NXPH1: variants seen among roughly 807,000 people sequenced by gnomAD.
NXPH1 encodes neurexophilin 1, also known as neurexophilin-1.
In NXPH1, 5 loss-of-function variants were observed where a neutral mutation model predicts 23.7. The ratio of observed to expected loss-of-function variants is 0.21; its 90% confidence interval spans 0.11 to 0.44. The LOEUF is 0.44. Ranked by LOEUF, NXPH1 falls within the 20% of genes least tolerant of loss-of-function variation. The pLI, the probability that NXPH1 is intolerant of heterozygous loss-of-function variation, is 0.99. For missense variants in NXPH1, 324 were observed against 321.6 expected, an observed-to-expected ratio of 1.01 and a Z score of -0.06; for synonymous variants, 144 against 122.2, an observed-to-expected ratio of 1.18 and a Z score of -1.18.
intron 2 of NXPH1, among the ~76,000 whole-genome samples, chr7:8,523,065 C>T (rs1234258247): frequency 6.6e-6 from 1 of 152,198 alleles, no homozygotes; most frequent in African/African-American, 2.4e-5. Context: ...TGTGAGAATG[C>T]TAAGAGAGGA....
intron 2 of NXPH1, among the ~76,000 whole-genome samples, chr7:8,494,729 C>T (rs111832894): frequency 3.3e-5 from 5 of 152,176 alleles, no homozygotes; most frequent in African/African-American, 1.2e-4. Context: ...ACTTAAGTCA[C>T]TGCATTAATT....
chr7:8,491,395 A>T (rs1451439228), intron 2 of NXPH1, among the ~76,000 whole-genome samples: 4 of 152,046 alleles, frequency 2.6e-5, no homozygotes, highest in African/African-American at 7.2e-5. Context: ...ATCCCTTCAG[A>T]ATTGCTTGCT....
chr7:8,653,089 C>G (rs1417904390), intron 2 of NXPH1, among the ~76,000 whole-genome samples: 3 of 151,700 alleles, frequency 2.0e-5, no homozygotes, highest in Non-Finnish European at 4.4e-5. Context: ...AACTTTTTCA[C>G]TTTCTGGAGC....
intron 2 of NXPH1, among the ~76,000 whole-genome samples, chr7:8,681,267 A>G (rs1338035507): frequency 6.6e-6 from 1 of 152,234 alleles, no homozygotes; most frequent in Non-Finnish European, 1.5e-5. Flanking sequence ...ATAAGCGTTT[A>G]TCTTCCGACC....
intron 2 of NXPH1, among the ~76,000 whole-genome samples, chr7:8,464,214 C>A (rs191911469): frequency 2.0e-5 from 3 of 152,124 alleles, no homozygotes; most frequent in Non-Finnish European, 4.4e-5. Context: ...TCTTAGCCAT[C>A]CCTAGACATC....
intron 2 of NXPH1, among the ~76,000 whole-genome samples, chr7:8,735,876 G>T (rs1780245398): frequency 6.6e-6 from 1 of 152,110 alleles, no homozygotes; most frequent in South Asian, 2.1e-4. Context: ...GGGTGTATGT[G>T]TCCAGGAATT....
intron 2 of NXPH1, among the ~76,000 whole-genome samples, chr7:8,706,132 A>G (rs1247315590): frequency 6.6e-6 from 1 of 152,194 alleles, no homozygotes; most frequent in Non-Finnish European, 1.5e-5. Flanking sequence ...GAGAAAAGCT[A>G]TGTCAACTTC....
chr7:8,671,219 A>C (rs1232518625), intron 2 of NXPH1, among the ~76,000 whole-genome samples: 1 of 152,258 alleles, frequency 6.6e-6, no homozygotes, highest in Non-Finnish European at 1.5e-5. Context: ...TGAAAGAGAA[A>C]AAAATGGTAA....
At chr7:8,748,791 G>T (rs182570788) in intron 2 of NXPH1, among the ~76,000 whole-genome samples, 1 of 152,204 alleles carries the variant, frequency 6.6e-6, no homozygotes, top group African/African-American at 2.4e-5. Context: ...ATGAAGTTGC[G>T]TTTTATCTCT....
chr7:8,474,297 C>G (rs1029523), intron 2 of NXPH1, among the ~76,000 whole-genome samples: 3 of 151,810 alleles, frequency 2.0e-5, no homozygotes, highest in African/African-American at 7.3e-5. Flanking sequence ...CAGTTTCTAT[C>G]AAATGGGTGC....
intron 2 of NXPH1, among the ~76,000 whole-genome samples, chr7:8,643,006 G>A (rs143100443): frequency 2.6e-5 from 4 of 151,768 alleles, no homozygotes; most frequent in Admixed American, 1.3e-4. Flanking sequence ...CTGGAACTAC[G>A]GGTGCACGCC....
In NXPH1 at chr7:8,433,963, G is replaced by C. The variant is rs915836459; in HGVS notation, c.-903G>C. ...CATTCACCCACGTGCCAAAGTAATT[G>C]TCCGTGTCAGGAAGGTAGGCGTGCC... is the stretch of plus-strand genomic sequence containing the variant. On this transcript the variant is annotated 5_prime_UTR_variant, in exon 1 of 3. Transcript: ENST00000405863. The surrounding 1 kb of genome is among the most constrained non-coding windows in gnomAD (Gnocchi z 6.8). 3.3e-5 allele frequency: 5 copies of C among 152,262 alleles called. No homozygotes were observed. The highest frequency in any genetic ancestry group is 5.9e-5 in the Non-Finnish European group (4 of 68,084). The allele number at this position is 152,262 out of a possible 1,614,324, so 9.4% of individuals were successfully genotyped here. A position where few individuals can be genotyped will look rare whatever the true frequency, so the allele number is the denominator to read the frequency against.
intron 2 of NXPH1, among the ~76,000 whole-genome samples, chr7:8,513,017 G>A (rs150865701): frequency 1.7e-4 from 26 of 152,168 alleles, no homozygotes; most frequent in African/African-American, 6.0e-4. Flanking sequence ...TCTCTCTAAG[G>A]ACCTGGAAAA....
At chr7:8,480,579 G>T (rs975361601) in intron 2 of NXPH1, among the ~76,000 whole-genome samples, 1 of 152,140 alleles carries the variant, frequency 6.6e-6, no homozygotes, top group Non-Finnish European at 1.5e-5. Context: ...AGGAAACTGG[G>T]CAATAAATCT....
intron 2 of NXPH1, among the ~76,000 whole-genome samples, chr7:8,738,561 C>G (rs1780302802): frequency 6.6e-6 from 1 of 152,216 alleles, no homozygotes; most frequent in African/African-American, 2.4e-5. Flanking sequence ...GTCTGTCGAC[C>G]CCTGCTTGGG....
intron 2 of NXPH1, among the ~76,000 whole-genome samples, chr7:8,515,436 T>C (rs1422966573): frequency 6.6e-6 from 1 of 152,154 alleles, no homozygotes; most frequent in African/African-American, 2.4e-5. Flanking sequence ...ACAGCTAAAT[T>C]GTGGATACTT....
chr7:8,524,625 TC>T (rs1817834548), intron 2 of NXPH1, among the ~76,000 whole-genome samples: 1 of 152,184 alleles, frequency 6.6e-6, no homozygotes, highest in Non-Finnish European at 1.5e-5. Context: ...GAAATATATC[TC>T]CCAGAATTCC....
intron 2 of NXPH1, among the ~76,000 whole-genome samples, chr7:8,472,127 A>C (rs907926182): frequency 6.6e-6 from 1 of 152,092 alleles, no homozygotes; most frequent in Non-Finnish European, 1.5e-5. Context: ...TGTGCTAAGG[A>C]TATATAAAAA....
intron 2 of NXPH1, among the ~76,000 whole-genome samples, chr7:8,624,206 C>T (rs922161755): frequency 6.6e-6 from 1 of 152,036 alleles, no homozygotes; most frequent in Non-Finnish European, 1.5e-5. Flanking sequence ...GCATTAAGGC[C>T]TTACTGATTG....
Sources: allele counts gnomAD v4.1 joint callset (sites outside exome capture counted in the v4.1 genomes callset), GRCh38; gene constraint gnomAD v4.1.1; non-coding constraint Gnocchi (gnomAD v3.1); transcripts MANE v1.5; gene names NCBI Gene and HGNC (gene_info 2026-07-23, HGNC 2026-07-21).